Variants in RBFOX1 observed in about 807,000 individuals in gnomAD.
RBFOX1 encodes the protein RNA binding fox-1 homolog 1.
Under a neutral mutation model 57.7 loss-of-function variants are expected in RBFOX1, and 8 were observed. That is an observed-to-expected ratio of 0.14 (90% CI 0.08 to 0.25). RBFOX1 has a LOEUF of 0.25. Ranked by LOEUF, RBFOX1 falls within the 10% of genes least tolerant of loss-of-function variation. The pLI is 1.00. For synonymous variants in RBFOX1, 326 were observed against 222.4 expected (o/e 1.47, Z -4.15); for missense variants, 611 against 548.5 (o/e 1.11, Z -1.14).
chr16:7,231,622 A>G (rs985365178), intron 4 of RBFOX1, among the ~76,000 whole-genome samples: 4 of 152,214 alleles, frequency 2.6e-5, no homozygotes, highest in African/African-American at 9.6e-5. Context: ...TTACAGCCAA[A>G]AAGCAAAGAC....
At chr16:6,130,426 C>T (rs6500761) in intron 1 of RBFOX1, among the ~76,000 whole-genome samples, 1 of 151,590 alleles carries the variant, frequency 6.6e-6, no homozygotes, top group African/African-American at 2.4e-5. Context: ...ATATGTAATG[C>T]AAAAAGGATT....
chr16:6,332,032 G>A (rs930070814), intron 2 of RBFOX1, among the ~76,000 whole-genome samples: 16 of 152,174 alleles, frequency 1.1e-4, no homozygotes, highest in Non-Finnish European at 2.2e-4. Context: ...AGATAGGGCT[G>A]TCTCAGCGGT....
chr16:5,740,210 TG>T (rs945026063), intron 3 of RBFOX1, among the ~76,000 whole-genome samples: 31 of 152,194 alleles, frequency 2.0e-4, no homozygotes, highest in African/African-American at 7.2e-4. Flanking sequence ...CCTGAGGAGT[TG>T]GGGCCGGTGT....
chr16:6,671,817 G>C (rs1164025928), intron 3 of RBFOX1, among the ~76,000 whole-genome samples: 1 of 152,184 alleles, frequency 6.6e-6, no homozygotes, highest in Non-Finnish European at 1.5e-5. Flanking sequence ...TGACGGAGTA[G>C]TATTCCATCG....
intron 1 of RBFOX1, among the ~76,000 whole-genome samples, chr16:6,084,311 G>A (rs529820654): frequency 2.6e-5 from 4 of 152,064 alleles, no homozygotes; most frequent in African/African-American, 7.2e-5. Context: ...TGATATTATC[G>A]TGACTCACGG....
intron 2 of RBFOX1, among the ~76,000 whole-genome samples, chr16:6,622,222 A>G (rs938539664): frequency 2.3e-4 from 35 of 152,234 alleles, no homozygotes; most frequent in African/African-American, 8.0e-4. Flanking sequence ...TCTTAAGTAT[A>G]GTTCTGCACC....
chr16:6,494,456 G>C (rs999111591), intron 2 of RBFOX1, among the ~76,000 whole-genome samples: 1 of 152,204 alleles, frequency 6.6e-6, no homozygotes, highest in Admixed American at 6.5e-5. Flanking sequence ...TGGTATATAA[G>C]TGAGATCACA....
At chr16:6,003,840 C>G (rs1017698001) in intron 4 of RBFOX1, among the ~76,000 whole-genome samples, 2 of 152,194 alleles carry the variant, frequency 1.3e-5, no homozygotes, top group East Asian at 1.9e-4. Flanking sequence ...ACTGAGGCCT[C>G]TTGTCAAAGG....
chr16:6,943,431 G>A (rs986548171), intron 3 of RBFOX1, among the ~76,000 whole-genome samples: 15 of 152,136 alleles, frequency 9.9e-5, no homozygotes, highest in South Asian at 6.2e-4. Flanking sequence ...CCTGTGGGCC[G>A]GGCGTGGTGG....
intron 1 of RBFOX1, among the ~76,000 whole-genome samples, chr16:6,218,327 G>C (rs1174837646): frequency 6.6e-6 from 1 of 151,584 alleles, no homozygotes; most frequent in Non-Finnish European, 1.5e-5. Flanking sequence ...ATTGTTTTTT[G>C]AGACACAGTC....
intron 1 of RBFOX1, among the ~76,000 whole-genome samples, chr16:6,203,908 C>T (rs1210863493): frequency 6.6e-6 from 1 of 151,990 alleles, no homozygotes; most frequent in African/African-American, 2.4e-5. Flanking sequence ...TGCCTGATCC[C>T]TGCATACACA....
intron 1 of RBFOX1, among the ~76,000 whole-genome samples, chr16:6,175,225 C>T (rs1437124818): frequency 6.6e-6 from 1 of 151,968 alleles, no homozygotes; most frequent in African/African-American, 2.4e-5. Flanking sequence ...AAAAAGGTAG[C>T]CATGAGGGAA....
At chr16:6,075,584 A>C (rs999029214) in intron 1 of RBFOX1, among the ~76,000 whole-genome samples, 10 of 152,196 alleles carry the variant, frequency 6.6e-5, no homozygotes, top group African/African-American at 2.4e-4. Flanking sequence ...CAAAGATGTA[A>C]TTCTTGTTAC....
intron 2 of RBFOX1, among the ~76,000 whole-genome samples, chr16:6,504,309 A>T (rs1336191515): frequency 6.6e-6 from 1 of 152,216 alleles, no homozygotes; most frequent in East Asian, 1.9e-4. Flanking sequence ...GCACCAGTGC[A>T]TCCAGCTTCA....
chr16:6,402,245 C>A (rs1328732936), intron 2 of RBFOX1, among the ~76,000 whole-genome samples: 1 of 152,130 alleles, frequency 6.6e-6, no homozygotes, highest in Non-Finnish European at 1.5e-5. Flanking sequence ...TGACATTCAT[C>A]CCCACCCACT....
At chr16:5,494,273 C>G (rs2042928709) in intron 2 of RBFOX1, among the ~76,000 whole-genome samples, 1 of 152,198 alleles carries the variant, frequency 6.6e-6, no homozygotes, top group Non-Finnish European at 1.5e-5. Flanking sequence ...CATTCGGATT[C>G]CAGTCTTGCC....
At chr16:5,266,211 G>C (rs1242593740) in intron 1 of RBFOX1, among the ~76,000 whole-genome samples, 3 of 152,138 alleles carry the variant, frequency 2.0e-5, no homozygotes, top group Non-Finnish European at 2.9e-5. Context: ...CTGACATTTT[G>C]GCTCAGCAGT....
chr16:5,650,843 G>A (rs2049211992), intron 3 of RBFOX1, among the ~76,000 whole-genome samples: 1 of 152,020 alleles, frequency 6.6e-6, no homozygotes, highest in Non-Finnish European at 1.5e-5. Context: ...CAGGCGACGG[G>A]TCATGAAGAC....
chr16:7,321,167 T>C (rs1272894040), intron 4 of RBFOX1, among the ~76,000 whole-genome samples: 3 of 151,868 alleles, frequency 2.0e-5, no homozygotes, highest in African/African-American at 7.3e-5. Context: ...GACGGCGAGA[T>C]GGTGTTTTGC....
Sources: allele counts gnomAD v4.1 joint callset (sites outside exome capture counted in the v4.1 genomes callset), GRCh38; gene constraint gnomAD v4.1.1; transcripts MANE v1.5; gene names NCBI Gene and HGNC (gene_info 2026-07-23, HGNC 2026-07-21).